Variants in TBL1Y observed in about 807,000 individuals in gnomAD.
TBL1Y encodes the protein transducin beta like 1 Y-linked.
A neutral mutation model predicts 12.0 loss-of-function variants in TBL1Y; 15 were observed. The ratio of observed to expected loss-of-function variants is 1.25; its 90% CI spans 0.83 to 1.92. The LOEUF (loss-of-function observed/expected upper bound fraction) is 1.92, where lower values mean the gene tolerates loss of function less well. TBL1Y is among the 40% of genes most tolerant of loss of function. The probability of loss-of-function intolerance (pLI) is 0.00; values close to 1 mark genes in which losing one functional copy is unlikely to be tolerated. For missense variants in TBL1Y, 148 were observed against 116.7 expected, an observed-to-expected ratio of 1.27 and a Z score of -1.24; for synonymous variants, 53 against 42.6, an observed-to-expected ratio of 1.24 and a Z score of -0.95.
At chrY:6,963,861 C>T in intron 2 of TBL1Y, among the ~76,000 whole-genome samples, 1 of 33,949 alleles carries the variant, frequency 2.9e-5, no homozygotes, top group African/African-American at 1.2e-4. Context: ...AGGAATGCCC[C>T]ACTTTGTTGC....
In TBL1Y at chrY:7,047,523, T is replaced by C. The variant is rs765416929; in HGVS notation, c.204+4398T>C. Reference sequence around the variant, plus strand: ...GGACTCAGGAGGGACAAGGTGGGCATCCTCCTGGTTCTCCGTGAGTCCATG... The same window carrying C: ...GGACTCAGGAGGGACAAGGTGGGCACCCTCCTGGTTCTCCGTGAGTCCATG... On this transcript the variant is annotated intron_variant, in intron 7 of 18. Transcript: ENST00000383032. 2.1e-4 allele frequency among the ~76,000 whole-genome samples: 7 copies of C among 32,931 alleles called. No homozygotes were observed. In the East Asian group the frequency reaches 5.6e-3, roughly 26 times the overall value. 88.4% of individuals were successfully genotyped at this position (32,931 alleles called of 37,273 possible).
At chrY:7,055,279 G>A (rs949226932) in intron 7 of TBL1Y, among the ~76,000 whole-genome samples, 2 of 33,637 alleles carry the variant, frequency 5.9e-5, no homozygotes, top group African/African-American at 2.3e-4. Context: ...AGGAGGACAC[G>A]TGCTTGAGGC....
At chrY:7,027,538 C>T in intron 6 of TBL1Y, among the ~76,000 whole-genome samples, 2 of 31,986 alleles carry the variant, frequency 6.3e-5, no homozygotes, top group Admixed American at 2.9e-4. Flanking sequence ...GAAAATTAGC[C>T]GGGCATGGTG....
In TBL1Y at chrY:7,091,506, A is replaced by T; in HGVS notation, c.*14A>T. On this transcript the variant is annotated 3_prime_UTR_variant, in exon 19 of 19. Transcript: ENST00000383032. ...CTGGATCTGTGAAAGTAAACACAAA[A>T]TATAGAAAAAAAGAAAAGAATTCTA... The T allele has an allele frequency of 8.0e-6, 3 of 375,785 alleles. No homozygotes were observed. In the East Asian group the frequency reaches 2.9e-4, roughly 37 times the overall value. 93.7% of individuals were successfully genotyped at this position (375,785 alleles called of 400,897 possible). A position where few individuals can be genotyped will look rare whatever the true frequency, so the allele number is the denominator to read the frequency against.
At chrY:6,958,745 C>T (rs766782385) in intron 2 of TBL1Y, among the ~76,000 whole-genome samples, 105 of 33,996 alleles carry the variant, frequency 3.1e-3, no homozygotes, top group South Asian at 8.7e-3. Flanking sequence ...TTATGTTTCT[C>T]TCCACCCAAA....
At chrY:7,043,183 T>C in intron 7 of TBL1Y, 58 bp downstream of exon 7, 1 of 376,114 alleles carries the variant, frequency 2.7e-6, no homozygotes, top group Non-Finnish European at 3.8e-6. Context: ...GTGCAAGAGG[T>C]TGGAACACAT....
intron 7 of TBL1Y, among the ~76,000 whole-genome samples, chrY:7,063,533 G>A (rs775192508): frequency 3.0e-5 from 1 of 33,027 alleles, no homozygotes; most frequent in East Asian, 8.1e-4. Flanking sequence ...ATCGGAATGA[G>A]TCAGGATGGA....
intron 2 of TBL1Y, among the ~76,000 whole-genome samples, chrY:6,966,890 G>A: frequency 1.2e-4 from 4 of 33,278 alleles, no homozygotes; most frequent in Non-Finnish European, 2.9e-4. Context: ...TAAAAATTGT[G>A]TGCCTTGTTT....
chrY:6,920,421 T>C, intron 2 of TBL1Y: 2 of 34,290 alleles, frequency 5.8e-5, no homozygotes, highest in Admixed American at 2.6e-4. Flanking sequence ...ACTAAAAATA[T>C]CAAGTTGTTT....
intron 3 of TBL1Y, among the ~76,000 whole-genome samples, chrY:6,983,603 A>G (rs2012298765): frequency 3.0e-5 from 1 of 33,472 alleles, no homozygotes; most frequent in African/African-American, 1.2e-4. Flanking sequence ...TGCACCTTTT[A>G]TATGTATTCC....
intron 8 of TBL1Y, among the ~76,000 whole-genome samples, chrY:7,065,116 T>C (rs2012970371): frequency 3.0e-5 from 1 of 32,923 alleles, no homozygotes; most frequent in Non-Finnish European, 7.4e-5. Flanking sequence ...GTGGATATGA[T>C]TGTTTGACTG....
At chrY:7,063,399 T>G in intron 7 of TBL1Y, among the ~76,000 whole-genome samples, 1 of 33,218 alleles carries the variant, frequency 3.0e-5, no homozygotes, top group African/African-American at 1.2e-4. Flanking sequence ...TGGCTAGGGT[T>G]AGACCACACA....
intron 5 of TBL1Y, among the ~76,000 whole-genome samples, chrY:7,024,239 T>A (rs995623719): frequency 1.2e-4 from 4 of 33,617 alleles, no homozygotes; most frequent in Admixed American, 1.1e-3. Flanking sequence ...AGTAGAGTGA[T>A]CTATAATCCT....
intron 2 of TBL1Y, among the ~76,000 whole-genome samples, chrY:6,936,426 T>C: frequency 2.9e-5 from 1 of 34,127 alleles, no homozygotes; most frequent in Non-Finnish European, 7.3e-5. Context: ...ATCCATTTTC[T>C]TCATCTCTTT....
At chrY:6,967,017 TC>T (rs2012173584) in intron 2 of TBL1Y, among the ~76,000 whole-genome samples, 1 of 33,568 alleles carries the variant, frequency 3.0e-5, no homozygotes, top group Non-Finnish European at 7.3e-5. Flanking sequence ...TCTGTGGGGT[TC>T]CCTTTTTGCT....
intron 4 of TBL1Y, among the ~76,000 whole-genome samples, chrY:7,007,006 T>C (rs373736956): frequency 0.039 from 1,311 of 33,956 alleles, no homozygotes; most frequent in Middle Eastern, 0.28. Flanking sequence ...GGGATGCATA[T>C]AATTAAATAT....
At chrY:7,062,840 C>T in intron 7 of TBL1Y, among the ~76,000 whole-genome samples, 2 of 33,441 alleles carry the variant, frequency 6.0e-5, no homozygotes, top group Non-Finnish European at 1.5e-4. Flanking sequence ...CTCTTTTTAA[C>T]CTCTAAGCCG....
chrY:6,924,200 T>C (rs2011805559), intron 2 of TBL1Y, among the ~76,000 whole-genome samples: 1 of 32,877 alleles, frequency 3.0e-5, no homozygotes, highest in African/African-American at 1.2e-4. Flanking sequence ...AGCCATGATT[T>C]CCATTTCTGG....
intron 2 of TBL1Y, among the ~76,000 whole-genome samples, chrY:6,969,239 C>G (rs2012189012): frequency 5.9e-5 from 2 of 33,701 alleles, no homozygotes; most frequent in African/African-American, 2.3e-4. Flanking sequence ...TGCTGGCACC[C>G]TGGAGAGACC....
Sources: allele counts gnomAD v4.1 joint callset (sites outside exome capture counted in the v4.1 genomes callset), GRCh38; gene constraint gnomAD v4.1.1; transcripts MANE v1.5; gene names NCBI Gene and HGNC (gene_info 2026-07-23, HGNC 2026-07-21).